The following FAM13C variants were observed in gnomAD, a reference collection of about 807,000 sequenced individuals.
The protein encoded by FAM13C is family with sequence similarity 13 member C.
A neutral mutation model predicts 73.2 loss-of-function variants in FAM13C; 37 were observed. The ratio of observed to expected loss-of-function variants is 0.51; its 90% confidence interval spans 0.39 to 0.67. FAM13C has a LOEUF of 0.67. Ranked by LOEUF, FAM13C falls within the 30% of genes least tolerant of loss-of-function variation. FAM13C has a pLI of 0.00. For missense variants in FAM13C, 589 were observed against 715.6 expected (o/e 0.82, Z 2.02); for synonymous variants, 246 against 260.9 (o/e 0.94, Z 0.55).
chr10:59,277,652 T>C (rs1232129874), intron 6 of FAM13C, among the ~76,000 whole-genome samples: 1 of 152,184 alleles, frequency 6.6e-6, no homozygotes, highest in Non-Finnish European at 1.5e-5. Flanking sequence ...ACCACAAATC[T>C]AGATCTCTTC....
chr10:59,331,512 C>A (rs1851977481), intron 3 of FAM13C, among the ~76,000 whole-genome samples: 1 of 152,134 alleles, frequency 6.6e-6, no homozygotes, highest in East Asian at 1.9e-4. Flanking sequence ...AGTATGAAGA[C>A]CTACTAGTCT....
Position 59,252,943 on chromosome 10 carries a change from AAAG to A in FAM13C, c.1385_1387del (p.Ser462del). The A allele has an allele frequency of 6.2e-7, 1 of 1,614,130 alleles. No homozygotes were observed. Among genetic ancestry groups the A allele is most frequent in the Non-Finnish European group, 8.5e-7 (1 of 1,179,994 alleles). On this transcript the variant is annotated inframe_deletion, in exon 12 of 14. Transcript: ENST00000618804. ...AGGAAGGTGAGATGCTGGATCTGCC[AAAG>A]AAGGTTGTTGGCTTCCCTGTGGACG...
chr10:59,292,975 A>T (rs1846437059), intron 5 of FAM13C, among the ~76,000 whole-genome samples: 1 of 151,390 alleles, frequency 6.6e-6, no homozygotes, highest in Admixed American at 6.6e-5. Flanking sequence ...TCCTTTAACC[A>T]ATCCCTCCCT....
intron 3 of FAM13C, among the ~76,000 whole-genome samples, chr10:59,346,701 A>C (rs1854333308): frequency 6.6e-6 from 1 of 152,202 alleles, no homozygotes. Context: ...GGTCCATTAC[A>C]GGAAGTTGGT....
At chr10:59,325,465 A>G (rs1012372817) in intron 3 of FAM13C, among the ~76,000 whole-genome samples, 13 of 152,206 alleles carry the variant, frequency 8.5e-5, no homozygotes, top group Admixed American at 8.5e-4. Flanking sequence ...CCAGCTTCAG[A>G]TAAGAAGACA....
intron 8 of FAM13C, among the ~76,000 whole-genome samples, 193 bp downstream of exon 8, chr10:59,268,360 A>T (rs1302596789): frequency 1.3e-5 from 2 of 152,200 alleles, no homozygotes. Context: ...AAAATATCCT[A>T]GCAGAGATCA....
intron 6 of FAM13C, among the ~76,000 whole-genome samples, chr10:59,283,131 C>T (rs557851506): frequency 6.6e-6 from 1 of 152,084 alleles, no homozygotes; most frequent in African/African-American, 2.4e-5. Flanking sequence ...CAAATGACAC[C>T]CATTTGTGTA....
intron 6 of FAM13C, among the ~76,000 whole-genome samples, chr10:59,271,571 G>A (rs1274238442): frequency 6.6e-6 from 1 of 152,198 alleles, no homozygotes; most frequent in Admixed American, 6.5e-5. Context: ...GTGTAATGGT[G>A]TGACTGACAC....
Position 59,267,224 on chromosome 10 carries a change from G to A in FAM13C, c.942+1329C>T, listed in dbSNP as rs141507192. Among the ~76,000 whole-genome samples the A allele has an allele frequency of 3.9e-5, 6 of 152,274 alleles. No homozygotes were observed. In the East Asian group the frequency reaches 5.8e-4, roughly 15 times the overall value. On this transcript the variant is annotated intron_variant, in intron 8 of 13. Transcript: ENST00000618804. ...GAGGACATCATAGATCCAGTAACAC[G>A]CCAGCAGCAAACAGGTGAAATAAAC...
upstream of FAM13C, chr10:59,363,067 G>T: frequency 6.3e-6 from 1 of 158,622 alleles, no homozygotes; most frequent in Non-Finnish European, 1.4e-5. Context: ...TTGTTGCCTA[G>T]GAAAAAGAAT....
chr10:59,348,388 T>G (rs1854585652), intron 3 of FAM13C, among the ~76,000 whole-genome samples: 1 of 152,232 alleles, frequency 6.6e-6, no homozygotes, highest in South Asian at 2.1e-4. Flanking sequence ...ATGTGACATT[T>G]ACCCTGCGAT....
At chr10:59,334,164 C>T (rs284645) in intron 3 of FAM13C, among the ~76,000 whole-genome samples, 68,184 of 151,898 alleles carry the variant, frequency 0.45, 16,182 homozygotes, top group African/African-American at 0.61. Context: ...TGGATTTCAC[C>T]TTCATGCAAA....
chr10:59,256,161 T>C (rs556628691), intron 10 of FAM13C, among the ~76,000 whole-genome samples: 25 of 152,294 alleles, frequency 1.6e-4, no homozygotes, highest in African/African-American at 6.0e-4. Flanking sequence ...AACAAGTTCC[T>C]ATCAAAATCT....
At chr10:59,342,403 A>C (rs998766376) in intron 3 of FAM13C, among the ~76,000 whole-genome samples, 10 of 152,140 alleles carry the variant, frequency 6.6e-5, no homozygotes, top group African/African-American at 2.4e-4. Context: ...ACATGAGTAC[A>C]ACTGGTTATT....
At chr10:59,253,579 C>G (rs973468170) in intron 11 of FAM13C, 2 of 152,826 alleles carry the variant, frequency 1.3e-5, no homozygotes, top group East Asian at 1.9e-4. Flanking sequence ...AATATAAGAA[C>G]CTTACTACAT....
At chr10:59,299,520 T>C (rs1178810951) in intron 5 of FAM13C, among the ~76,000 whole-genome samples, 1 of 152,080 alleles carries the variant, frequency 6.6e-6, no homozygotes, top group Non-Finnish European at 1.5e-5. Context: ...GCTTTTTTTT[T>C]TTTTCAGGGA....
intron 5 of FAM13C, among the ~76,000 whole-genome samples, chr10:59,297,664 C>T (rs188945122): frequency 6.6e-5 from 10 of 152,314 alleles, no homozygotes; most frequent in East Asian, 1.9e-4. Flanking sequence ...TTCACTATGG[C>T]TGGCTGCCTC....
At chr10:59,269,417 T>TACACAC (rs10532470) in intron 7 of FAM13C, among the ~76,000 whole-genome samples, 3,204 of 146,628 alleles carry the variant, frequency 0.022, 101 homozygotes, top group African/African-American at 0.076. Context: ...GGCATCCGAT[T>TACACAC]ACACACACAC....
intron 6 of FAM13C, among the ~76,000 whole-genome samples, chr10:59,279,357 G>A (rs1158931769): frequency 6.6e-6 from 1 of 152,182 alleles, no homozygotes; most frequent in African/African-American, 2.4e-5. Flanking sequence ...AACTTTGGAA[G>A]AGACCTATAG....
Sources: gnomAD v4.1 joint callset for allele counts (sites outside exome capture counted in the v4.1 genomes callset) on GRCh38, gnomAD v4.1.1 for gene constraint, MANE v1.5 for transcripts, NCBI Gene and HGNC (gene_info 2026-07-23, HGNC 2026-07-21) for gene names.